Variants in ZBBX observed in about 807,000 individuals in gnomAD.
ZBBX encodes the protein zinc finger B-box domain containing, also known as zinc finger B-box domain-containing protein 1.
ZBBX carries 101 observed loss-of-function variants against 108.5 expected under a neutral mutation model. The observed-to-expected ratio is 0.93, with a 90% CI of 0.79 to 1.10. ZBBX has a LOEUF of 1.10. Among genes scored for constraint, ZBBX ranks in the 50% least tolerant of loss-of-function variants. ZBBX has a pLI of 0.00. For synonymous variants in ZBBX, 356 were observed against 323.4 expected, an observed-to-expected ratio of 1.10 and a Z score of -1.08; for missense variants, 1,009 against 941.4, an observed-to-expected ratio of 1.07 and a Z score of -0.94.
At chr3:167,367,428 G>C (rs1478980700) in intron 5 of ZBBX, among the ~76,000 whole-genome samples, 1 of 151,700 alleles carries the variant, frequency 6.6e-6, no homozygotes, top group Non-Finnish European at 1.5e-5. Context: ...AAAAATAAAT[G>C]CTATTATATC....
intron 9 of ZBBX, among the ~76,000 whole-genome samples, chr3:167,348,372 A>AAAGAAAGAAAGAAAGAAGAAAGAAAG (rs1560163843): frequency 3.8e-5 from 4 of 104,726 alleles, no homozygotes; most frequent in African/African-American, 1.3e-4. Context: ...AAGAAAGAAA[A>AAAGAAAGAAAGAAAGAAGAAAGAAAG]AAAAGAAAAG....
the ZBBX span, among the ~76,000 whole-genome samples, chr3:167,233,872 G>C: frequency 3.3e-5 from 5 of 151,734 alleles, no homozygotes; most frequent in Non-Finnish European, 2.9e-5. Context: ...TAAATTCCAG[G>C]ATAACAGCCT....
chr3:167,390,531 G>T (rs148874161), intron 1 of ZBBX, among the ~76,000 whole-genome samples: 18 of 151,168 alleles, frequency 1.2e-4, no homozygotes, highest in Non-Finnish European at 2.2e-4. Context: ...TTTGAAGAAA[G>T]CCAATGGTAG....
chr3:167,316,593 G>A (rs541934848), intron 14 of ZBBX, among the ~76,000 whole-genome samples: 7 of 151,868 alleles, frequency 4.6e-5, no homozygotes, highest in East Asian at 1.9e-4. Flanking sequence ...ACATTTAAAC[G>A]GAAAATAATA....
At chr3:167,388,331 A>C (rs1747982581) in intron 1 of ZBBX, among the ~76,000 whole-genome samples, 1 of 151,988 alleles carries the variant, frequency 6.6e-6, no homozygotes, top group African/African-American at 2.4e-5. Flanking sequence ...ATAGGAGATG[A>C]AGGCCAAAAT....
chr3:167,371,289 A>G (rs983513886), intron 4 of ZBBX, among the ~76,000 whole-genome samples: 11 of 152,170 alleles, frequency 7.2e-5, no homozygotes, highest in African/African-American at 2.6e-4. Context: ...GAAGTCCCCA[A>G]AATCATGTGG....
chr3:167,207,149 G>A, the ZBBX span, among the ~76,000 whole-genome samples: 1 of 152,136 alleles, frequency 6.6e-6, no homozygotes, highest in African/African-American at 2.4e-5. Context: ...CAAAGTATCT[G>A]CACAGCAAAG....
chr3:167,386,810 T>C lies in ZBBX; in HGVS notation c.-445-6405A>G, dbSNP rs555541990. Among the ~76,000 whole-genome samples the C allele has an allele frequency of 2.6e-5, 4 of 152,164 alleles. No individual in the cohort carries two copies. In the East Asian group the frequency reaches 7.7e-4, roughly 29 times the overall value. ...GAGATTTATGCACTGTTTGCTGTAC[T>C]TCATTTGGAAAATTTGCATTTTTCT... On this transcript the variant is annotated intron_variant, in intron 1 of 21. Coordinates refer to the ZBBX transcript ENST00000455345.
chr3:167,360,774 A>G (rs769970288), intron 6 of ZBBX, 51 bp from the exon 7 acceptor site: 2 of 1,198,832 alleles, frequency 1.7e-6, no homozygotes, highest in African/African-American at 3.2e-5. Context: ...ATCTTATTCA[A>G]CGAAAGTTGC....
chr3:167,382,676 G>A (rs1450407089), upstream of ZBBX, among the ~76,000 whole-genome samples: 1 of 152,036 alleles, frequency 6.6e-6, no homozygotes, highest in Non-Finnish European at 1.5e-5. Flanking sequence ...AAAACAGCAT[G>A]TCTTTTCAAT....
chr3:167,241,018 G>A lies in ZBBX; in HGVS notation c.2394-99C>T, dbSNP rs182826527. ...TACTACATATGTTGGAGTTGCTGGA[G>A]GCAAGCAGATGTGAGGGAGCTGTAT... On this transcript the variant is annotated intron_variant, in intron 21 of 21. Transcript: ENST00000675490. 1,205 of 1,402,780 alleles carry A rather than the reference G, an allele frequency of 8.6e-4. 3 individuals carry two copies. The highest frequency in any genetic ancestry group is 5.2e-3 in the African/African-American group (364 of 69,640). 86.9% of individuals were successfully genotyped at this position (1,402,780 alleles called of 1,614,324 possible). A position where few individuals can be genotyped will look rare whatever the true frequency, so the allele number is the denominator to read the frequency against.
intron 20 of ZBBX, among the ~76,000 whole-genome samples, chr3:167,245,626 T>G (rs983582216): frequency 3.3e-5 from 5 of 152,048 alleles, no homozygotes; most frequent in Non-Finnish European, 7.4e-5. Flanking sequence ...ATTTCCTCCT[T>G]GCTGTTCTCA....
At chr3:167,330,847 G>A (rs1437212012) in intron 10 of ZBBX, among the ~76,000 whole-genome samples, 1 of 43,130 alleles carries the variant, frequency 2.3e-5, no homozygotes, top group Non-Finnish European at 5.9e-5. Flanking sequence ...AGAGGAAGAG[G>A]AGGAGGAGGA....
chr3:167,398,909 A>G (rs1178375872), intron 1 of ZBBX, among the ~76,000 whole-genome samples: 18 of 152,000 alleles, frequency 1.2e-4, no homozygotes. Flanking sequence ...ATGGATTAAT[A>G]GATTAATGAA....
the ZBBX span, among the ~76,000 whole-genome samples, chr3:167,219,052 A>G: frequency 1.3e-5 from 2 of 152,074 alleles, no homozygotes; most frequent in Non-Finnish European, 2.9e-5. Context: ...GGTGGTCATT[A>G]TATAATGATG....
the ZBBX span, among the ~76,000 whole-genome samples, chr3:167,207,533 A>T: frequency 6.6e-6 from 1 of 152,160 alleles, no homozygotes; most frequent in Non-Finnish European, 1.5e-5. Context: ...ACTTTTTTAA[A>T]ATGTGGTGTA....
intron 8 of ZBBX, among the ~76,000 whole-genome samples, chr3:167,356,401 C>T (rs2108520856): frequency 6.6e-6 from 1 of 152,094 alleles, no homozygotes; most frequent in African/African-American, 2.4e-5. Flanking sequence ...CATTCGAACT[C>T]AGAGTCCAGT....
chr3:167,200,692 T>C, the ZBBX span, among the ~76,000 whole-genome samples: 1 of 152,176 alleles, frequency 6.6e-6, no homozygotes, highest in South Asian at 2.1e-4. Context: ...TACAGGCACT[T>C]ATGTAATAAA....
intron 21 of ZBBX, among the ~76,000 whole-genome samples, chr3:167,241,792 G>T (rs1720725551): frequency 6.6e-6 from 1 of 152,086 alleles, no homozygotes; most frequent in African/African-American, 2.4e-5. Flanking sequence ...GAAAGAATAA[G>T]AAACTCCTGA....
Sources: gnomAD v4.1 joint callset for allele counts (sites outside exome capture counted in the v4.1 genomes callset) on GRCh38, gnomAD v4.1.1 for gene constraint, MANE v1.5 for transcripts, NCBI Gene and HGNC (gene_info 2026-07-23, HGNC 2026-07-21) for gene names.